The following FBXL22 variants were observed in gnomAD, a reference collection of about 807,000 sequenced individuals.
The protein encoded by FBXL22 is F-box and leucine rich repeat protein 22, also known as F-box and leucine-rich protein 22.
FBXL22 carries 13 observed loss-of-function variants against 11.7 expected under a neutral mutation model. That is an observed-to-expected ratio of 1.11 (90% CI 0.73 to 1.77). The LOEUF is 1.77. Among genes scored for constraint, FBXL22 ranks in the 40% most tolerant of loss-of-function variants. The pLI is 0.00. For synonymous variants in FBXL22, 160 were observed against 144.1 expected, an observed-to-expected ratio of 1.11 and a Z score of -0.79; for missense variants, 406 against 320.4, an observed-to-expected ratio of 1.27 and a Z score of -2.04.
downstream of FBXL22, chr15:63,601,990 G>C (rs1376398412): frequency 1.2e-5 from 4 of 346,056 alleles, no homozygotes; most frequent in African/African-American, 8.7e-5. Flanking sequence ...GAAGGCTCTC[G>C]GCCCCCCGGC....
chr15:63,598,864 G>C (rs1335989943), intron 1 of FBXL22, among the ~76,000 whole-genome samples: 2 of 152,188 alleles, frequency 1.3e-5, no homozygotes, highest in Non-Finnish European at 2.9e-5. Context: ...GACATGGGTG[G>C]GGGTTGGGGG....
chr15:63,603,169 A>G (rs891690252), downstream of FBXL22, among the ~76,000 whole-genome samples: 1 of 152,194 alleles, frequency 6.6e-6, no homozygotes, highest in African/African-American at 2.4e-5. Flanking sequence ...ATTACTTCAA[A>G]ATGGCTAATT....
At chr15:63,601,754 A>G (rs2067377102), downstream of FBXL22, 4 of 1,512,278 alleles carry the variant, frequency 2.6e-6, no homozygotes, top group African/African-American at 1.4e-5. Context: ...ATAGTTACCC[A>G]TATTTTCTAC....
At chr15:63,608,049 T>G in the FBXL22 span, among the ~76,000 whole-genome samples, 1 of 152,266 alleles carries the variant, frequency 6.6e-6, no homozygotes, top group Non-Finnish European at 1.5e-5. Context: ...TCAGTTCTCA[T>G]GCTAATTCAC....
chr15:63,600,258 T>C, intron 1 of FBXL22: 8 of 993,276 alleles, frequency 8.1e-6, no homozygotes, highest in Non-Finnish European at 9.6e-6. Context: ...CTCTTCCCAC[T>C]CACGTCCCGC....
chr15:63,598,788 G>T (rs2067316424), intron 1 of FBXL22, among the ~76,000 whole-genome samples: 1 of 152,242 alleles, frequency 6.6e-6, no homozygotes, highest in African/African-American at 2.4e-5. Context: ...ATGGACTTGG[G>T]GTTGGGCCCC....
At chr15:63,599,144 T>A (rs565367495) in intron 1 of FBXL22, 1 of 1,472,198 alleles carries the variant, frequency 6.8e-7, no homozygotes. Flanking sequence ...AAATTTTTCT[T>A]ATCCAACAGG....
chr15:63,599,533 G>A, intron 1 of FBXL22: 1 of 1,095,638 alleles, frequency 9.1e-7, no homozygotes, highest in Non-Finnish European at 1.1e-6. Flanking sequence ...CAAAACTGGG[G>A]GTGCAGAGGT....
In FBXL22 at chr15:63,601,183, C is replaced by G. The variant is rs1356784589; in HGVS notation, c.*144C>G. On this transcript the variant is annotated 3_prime_UTR_variant, in exon 2 of 2. Coordinates refer to ENST00000638704, the MANE Select transcript of FBXL22 (RefSeq NM_001367807.1). Reference sequence around the variant, plus strand: ...GCACAGTGGGGATAAGAAAGCCTACCTCACGTTACGATTTTATACATAGGA... The same window carrying G: ...GCACAGTGGGGATAAGAAAGCCTACGTCACGTTACGATTTTATACATAGGA... The G allele has an allele frequency of 3.5e-5, 51 of 1,460,840 alleles. No homozygotes were observed. The highest frequency in any genetic ancestry group is 4.4e-5 in the Non-Finnish European group (49 of 1,114,614). 90.5% of individuals were successfully genotyped at this position (1,460,840 alleles called of 1,614,324 possible). A position where few individuals can be genotyped will look rare whatever the true frequency, so the allele number is the denominator to read the frequency against.
the FBXL22 span, among the ~76,000 whole-genome samples, chr15:63,607,793 T>C: frequency 1.3e-5 from 2 of 152,298 alleles, no homozygotes; most frequent in Admixed American, 1.3e-4. Flanking sequence ...GAACTTGCTG[T>C]AGGTGAGGGA....
chr15:63,600,137 G>A lies in FBXL22; in HGVS notation c.354-560G>A, dbSNP rs1055504683. 5 of 985,698 alleles carry A rather than the reference G, an allele frequency of 5.1e-6. No homozygotes were observed. The African/African-American group carries it at 8.7e-5, about 17-fold the overall frequency. 61.1% of individuals were successfully genotyped at this position (985,698 alleles called of 1,614,324 possible). On this transcript the variant is annotated intron_variant, in intron 1 of 1. Transcript: ENST00000638704. The stretch of plus-strand genomic sequence containing the variant: ...CAGGCTGGTGGCCCAGGGGATGCAG[G>A]AACAGCTCTAGTCTACTAAGCTGAA...
chr15:63,598,276 A>G (rs1454863673), intron 1 of FBXL22, among the ~76,000 whole-genome samples: 1 of 152,204 alleles, frequency 6.6e-6, no homozygotes, highest in Non-Finnish European at 1.5e-5. Flanking sequence ...GGCTTAGCCT[A>G]ATTTTTCAAA....
chr15:63,605,925 G>A (rs1280955851), downstream of FBXL22, among the ~76,000 whole-genome samples: 1 of 152,226 alleles, frequency 6.6e-6, no homozygotes, highest in Non-Finnish European at 1.5e-5. Flanking sequence ...AGGCTCTTAG[G>A]TCAGGGTTCC....
rs1349927377 is a variant in FBXL22 at position 63,601,191 on chromosome 15, A to G, written c.*152A>G. ...GGGATAAGAAAGCCTACCTCACGTT[A>G]CGATTTTATACATAGGATAAACGCA... On this transcript the variant is annotated 3_prime_UTR_variant, in exon 2 of 2. Transcript: ENST00000638704. 18 of 1,465,274 alleles carry G rather than the reference A, an allele frequency of 1.2e-5. No individual in the cohort carries two copies. Among genetic ancestry groups the G allele is most frequent in the Admixed American group, 4.9e-5 (2 of 40,812 alleles). The allele number at this position is 1,465,274 out of a possible 1,614,324, so 90.8% of individuals were successfully genotyped here.
At chr15:63,599,196 G>C (rs774389041) in intron 1 of FBXL22, 1 of 1,535,728 alleles carries the variant, frequency 6.5e-7, no homozygotes, top group South Asian at 1.2e-5. Context: ...GCACATAGTA[G>C]GTACTGATGA....
chr15:63,600,314 C>T (rs1285434813), intron 1 of FBXL22: 1 of 1,019,922 alleles, frequency 9.8e-7, no homozygotes, highest in African/African-American at 1.7e-5. Flanking sequence ...GGAGCAATCG[C>T]CAAGCACCGC....
In FBXL22 at chr15:63,600,955, A is replaced by T; in HGVS notation, c.612A>T (p.Ala204=). The T allele has an allele frequency of 8.4e-7, 1 of 1,196,492 alleles. No individual in the cohort carries two copies. The highest frequency in any genetic ancestry group is 1.6e-5 in the African/African-American group (1 of 62,878). 74.1% of individuals were successfully genotyped at this position (1,196,492 alleles called of 1,614,324 possible). Residue 204 remains alanine, a synonymous_variant, in exon 2 of 2, where the codon GCA becomes GCT. Transcript: ENST00000638704. ...CGTGCCCGCGCCTGGCCCTGCGGGC[A>T]GAGCACAGCGCCGCCATGCTGCCCG... The part of the protein sequence containing the change: ...RAACPRLALR[A]EHSAAMLPDQ...
Position 63,600,785 on chromosome 15 carries a change from C to T in FBXL22, c.442C>T (p.Leu148=), listed in dbSNP as rs1213090492. 1.6e-6 allele frequency: 2 copies of T among 1,231,128 alleles called. No individual in the cohort carries two copies. The highest frequency in any genetic ancestry group is 1.6e-5 in the African/African-American group (1 of 64,390). 76.3% of individuals were successfully genotyped at this position (1,231,128 alleles called of 1,614,324 possible). The change falls in exon 2 of 2, where the codon CTG becomes TTG. Residue 148 remains leucine, a synonymous_variant. Transcript: ENST00000638704. ...GCGCCTGCTGCGCTGCTGCCCACGCCTGCGCGCACTGCGCCTGGAGAACTG... is the reference window on the plus strand; with the variant it reads ...GCGCCTGCTGCGCTGCTGCCCACGCTTGCGCGCACTGCGCCTGGAGAACTG... ...LARLLRCCPR[L]RALRLENCAR...
At chr15:63,605,447 G>A (rs2067408586), downstream of FBXL22, among the ~76,000 whole-genome samples, 1 of 152,216 alleles carries the variant, frequency 6.6e-6, no homozygotes, top group African/African-American at 2.4e-5. Flanking sequence ...CAAATCCCAG[G>A]CACTGGGAAG....
Sources: gnomAD v4.1 joint callset for allele counts (sites outside exome capture counted in the v4.1 genomes callset) on GRCh38, gnomAD v4.1.1 for gene constraint, MANE v1.5 for transcripts, NCBI Gene and HGNC (gene_info 2026-07-23, HGNC 2026-07-21) for gene names.